ASTN2: variants seen among roughly 807,000 people sequenced by gnomAD.
ASTN2 encodes astrotactin 2.
A neutral mutation model predicts 139.8 loss-of-function variants in ASTN2; 54 were observed. The ratio of observed to expected loss-of-function variants is 0.39; its 90% CI spans 0.31 to 0.48. The LOEUF is 0.48. Ranked by LOEUF, ASTN2 falls within the 20% of genes least tolerant of loss-of-function variation. ASTN2 has a pLI of 0.95. For missense variants in ASTN2, 1,565 were observed against 1,725.1 expected (o/e 0.91, Z 1.64); for synonymous variants, 756 against 719.5 (o/e 1.05, Z -0.81).
At chr9:116,497,430 C>T (rs931300025) in intron 19 of ASTN2, among the ~76,000 whole-genome samples, 3 of 152,164 alleles carry the variant, frequency 2.0e-5, no homozygotes, top group Non-Finnish European at 2.9e-5. Context: ...AGGAACAAAA[C>T]CTCTTCCCTG....
rs143617876 is a variant in ASTN2, at chr9:116,796,957, G to A, written c.2396+8675C>T. Among the ~76,000 whole-genome samples, 643 of 151,544 alleles carry A rather than the reference G, an allele frequency of 4.2e-3. 5 individuals are homozygous for A. The highest frequency in any genetic ancestry group is 0.015 in the African/African-American group (604 of 41,324). The stretch of plus-strand genomic sequence containing the variant: ...CTCTCAAGTAGCTGTGACTACTGCT[G>A]CACAACACCATGTTCAGCTAACTTA... On this transcript the variant is annotated intron_variant, in intron 13 of 22. Transcript: ENST00000313400.
chr9:116,489,854 C>T (rs572295700), intron 19 of ASTN2, among the ~76,000 whole-genome samples: 11 of 152,204 alleles, frequency 7.2e-5, no homozygotes, highest in African/African-American at 2.4e-4. Context: ...AGACTTGACG[C>T]GTAGATGCTA....
In ASTN2 at chr9:116,994,984, A is replaced by G. The variant is rs547037984; in HGVS notation, c.1591+13108T>C. Among the ~76,000 whole-genome samples, 137 of 152,264 alleles carry G rather than the reference A, an allele frequency of 9.0e-4. 1 individual carries two copies. Among genetic ancestry groups the G allele is most frequent in the African/African-American group, 3.2e-3 (135 of 41,554 alleles). ...TTGCCATGTTGATATTCTTACCACT[A>G]TTTTACCTCTGAGAAAAACAGAAGT... On this transcript the variant is annotated intron_variant, in intron 7 of 22. Coordinates refer to ENST00000313400, the MANE Select transcript of ASTN2 (RefSeq NM_001365068.1).
At chr9:117,302,284 AAAGGGATAGAGATCAATGATC>A (rs1431030221) in intron 1 of ASTN2, among the ~76,000 whole-genome samples, 1 of 152,160 alleles carries the variant, frequency 6.6e-6, no homozygotes, top group Admixed American at 6.5e-5. Flanking sequence ...AAGAGAGTGT[AAAGGGATAGAGATCAATGATC>A]TATCCCACCC....
At chr9:117,232,031 G>A (rs995284718) in intron 2 of ASTN2, among the ~76,000 whole-genome samples, 5 of 152,108 alleles carry the variant, frequency 3.3e-5, no homozygotes, top group African/African-American at 1.2e-4. Flanking sequence ...CAGAGCTGGA[G>A]TAACTGTCTT....
intron 10 of ASTN2, among the ~76,000 whole-genome samples, chr9:116,866,238 G>A (rs1833011473): frequency 6.6e-6 from 1 of 152,160 alleles, no homozygotes; most frequent in Non-Finnish European, 1.5e-5. Context: ...ATGAAACACA[G>A]AAAACACCCA....
rs148492245 is a variant in ASTN2, at chr9:116,899,511, G to C, written c.1890-35778C>G. 9.9e-5 allele frequency among the ~76,000 whole-genome samples: 15 copies of C among 152,230 alleles called. No homozygotes were observed. In the East Asian group the frequency reaches 1.9e-3, roughly 20 times the overall value. On this transcript the variant is annotated intron_variant, in intron 10 of 22. Coordinates refer to ENST00000313400, the MANE Select transcript of ASTN2 (RefSeq NM_001365068.1). Reference sequence around the variant, plus strand: ...ATCCTTTGCAAAATTATAACAGTGAGAAAAACCCAACATAGGAGAAATATG... The same window carrying C: ...ATCCTTTGCAAAATTATAACAGTGACAAAAACCCAACATAGGAGAAATATG...
chr9:116,964,477 G>A (rs1835960624), intron 10 of ASTN2, among the ~76,000 whole-genome samples: 1 of 152,136 alleles, frequency 6.6e-6, no homozygotes, highest in Admixed American at 6.5e-5. Context: ...GGCTTTCCAG[G>A]AAACAACACT....
chr9:116,599,729 CA>C (rs1405477797), intron 19 of ASTN2, among the ~76,000 whole-genome samples: 2 of 152,110 alleles, frequency 1.3e-5, no homozygotes, highest in East Asian at 3.9e-4. Flanking sequence ...AGATTTGAGA[CA>C]AAATGAAGTA....
chr9:117,171,698 C>T (rs891838431), intron 3 of ASTN2, among the ~76,000 whole-genome samples: 2 of 152,078 alleles, frequency 1.3e-5, no homozygotes, highest in African/African-American at 4.8e-5. Flanking sequence ...CTCTCTCCTA[C>T]TGCCTTGTGA....
intron 5 of ASTN2, among the ~76,000 whole-genome samples, chr9:117,078,066 G>A (rs1828327505): frequency 6.6e-6 from 1 of 152,108 alleles, no homozygotes; most frequent in Non-Finnish European, 1.5e-5. Context: ...GAGTCAATGC[G>A]CACCCTCCTT....
chr9:116,825,364 C>T (rs955236840), intron 11 of ASTN2, among the ~76,000 whole-genome samples: 1 of 152,132 alleles, frequency 6.6e-6, no homozygotes, highest in Non-Finnish European at 1.5e-5. Context: ...ACATAATAGA[C>T]ACCTAATAAA....
At chr9:117,351,985 A>C (rs961297066) in intron 1 of ASTN2, among the ~76,000 whole-genome samples, 1 of 152,216 alleles carries the variant, frequency 6.6e-6, no homozygotes, top group Non-Finnish European at 1.5e-5. Flanking sequence ...AAATGTCCTA[A>C]GTAAACACCG....
Position 117,414,197 on chromosome 9 carries a change from G to C in ASTN2, c.442+300C>G, listed in dbSNP as rs576985515. Among the ~76,000 whole-genome samples the C allele has an allele frequency of 6.6e-6, 1 of 152,198 alleles. No individual in the cohort carries two copies. The highest frequency in any genetic ancestry group is 2.0e-4 in the East Asian group (1 of 5,122). On this transcript the variant is annotated intron_variant, in intron 1 of 22. Transcript: ENST00000313400. This position sits in a 1 kb window ranked among gnomAD's most constrained non-coding sequence, Gnocchi z 4.2. ...TAGCCAGAGCACCTTCAGTGAATGG[G>C]GTCTCCGGCTTCCGGGATGGATCAA...
chr9:116,731,319 A>G (rs1397926794), intron 14 of ASTN2, among the ~76,000 whole-genome samples: 1 of 152,024 alleles, frequency 6.6e-6, no homozygotes, highest in Non-Finnish European at 1.5e-5. Flanking sequence ...CCACTAATGG[A>G]TACCCATAGT....
At chr9:117,386,420 G>A (rs1340907065) in intron 1 of ASTN2, among the ~76,000 whole-genome samples, 4 of 152,152 alleles carry the variant, frequency 2.6e-5, no homozygotes, top group African/African-American at 7.2e-5. Context: ...GCCATGGTCT[G>A]ACAAGTCTCA....
intron 11 of ASTN2, among the ~76,000 whole-genome samples, chr9:116,859,611 G>A (rs1421746554): frequency 1.3e-5 from 2 of 152,194 alleles, no homozygotes; most frequent in East Asian, 3.8e-4. Context: ...CAGGAATGTT[G>A]GAAGTCAAAC....
intron 4 of ASTN2, among the ~76,000 whole-genome samples, chr9:117,123,111 C>T (rs1412334895): frequency 6.6e-6 from 1 of 152,028 alleles, no homozygotes; most frequent in African/African-American, 2.4e-5. Flanking sequence ...ACCTGTAAGG[C>T]CGTTAAAACA....
intron 16 of ASTN2, among the ~76,000 whole-genome samples, chr9:116,706,785 T>G (rs927675246): frequency 3.2e-5 from 3 of 94,868 alleles, no homozygotes; most frequent in South Asian, 3.0e-4. Context: ...TTTTTTTTTT[T>G]GTCACTGCTG....
Sources: gnomAD v4.1 joint callset for allele counts (sites outside exome capture counted in the v4.1 genomes callset) on GRCh38, gnomAD v4.1.1 for gene constraint, Gnocchi (gnomAD v3.1) non-coding constraint, MANE v1.5 for transcripts, NCBI Gene and HGNC (gene_info 2026-07-23, HGNC 2026-07-21) for gene names.